The following VWF variants were observed in gnomAD, a reference collection of about 807,000 sequenced individuals.
VWF encodes the protein Factor VIII related antigen.
VWF carries 176 observed loss-of-function variants against 308.6 expected under a neutral mutation model. The ratio of observed to expected loss-of-function variants is 0.57; its 90% CI spans 0.50 to 0.65. The LOEUF (loss-of-function observed/expected upper bound fraction) is 0.65. VWF is among the 30% of genes least tolerant of loss of function. VWF has a pLI of 0.00. For synonymous variants in VWF, 1,385 were observed against 1,443.4 expected (o/e 0.96, Z 0.92); for missense variants, 3,146 against 3,648.2 (o/e 0.86, Z 3.55).
rs569569052 is a variant in VWF, at chr12:5,952,439, C to T, written c.8067G>A (p.Arg2689=). The change falls in exon 49 of 52, where the codon AGG becomes AGA. Residue 2689 remains arginine, a synonymous_variant. Coordinates refer to ENST00000261405, the MANE Select transcript of VWF (RefSeq NM_000552.5). The part of the protein sequence containing the change: ...NERGEYFWEK[R]VTGCPPFDEH... Reference sequence around the variant, plus strand: ...CATCAAAGGGTGGGCAGCCTGTGACCCTCTTCTCCCAGAAGTACTCTCCTC... The same window carrying T: ...CATCAAAGGGTGGGCAGCCTGTGACTCTCTTCTCCCAGAAGTACTCTCCTC... 1.2e-6 allele frequency: 2 copies of T among 1,614,104 alleles called. No individual in the cohort carries two copies. The highest frequency in any genetic ancestry group is 2.2e-5 in the East Asian group (1 of 44,872).
intron 2 of VWF, among the ~76,000 whole-genome samples, chr12:6,122,080 A>C (rs1945438456): frequency 6.6e-6 from 1 of 152,168 alleles, no homozygotes; most frequent in African/African-American, 2.4e-5. Context: ...GTTTTTTATA[A>C]ATTGGTGACC....
intron 32 of VWF, 75 bp from the exon 33 acceptor site, chr12:6,012,205 A>G (rs1944004158): frequency 2.6e-6 from 4 of 1,512,106 alleles, no homozygotes; most frequent in Non-Finnish European, 3.7e-6. Flanking sequence ...ATGTCTGCTT[A>G]AGCAACCTGG....
chr12:6,035,286 T>C (rs991190017), intron 19 of VWF, among the ~76,000 whole-genome samples: 1 of 152,214 alleles, frequency 6.6e-6, no homozygotes, highest in Non-Finnish European at 1.5e-5. Context: ...AAAAGAGTGA[T>C]GAAGTACGCA....
At chr12:6,114,525 C>T (rs1387616691) in intron 3 of VWF, among the ~76,000 whole-genome samples, 1 of 152,162 alleles carries the variant, frequency 6.6e-6, no homozygotes, top group African/African-American at 2.4e-5. Context: ...GAGCCCCAGC[C>T]CTCCTAGAGT....
chr12:5,994,373 T>C (rs770834309), intron 36 of VWF, 42 bp downstream of exon 36: 7 of 1,610,392 alleles, frequency 4.3e-6, no homozygotes, highest in Non-Finnish European at 5.1e-6. Flanking sequence ...GGTTTATAAA[T>C]GTATAGCAGG....
At chr12:5,960,026 A>C (rs1481746664) in intron 47 of VWF, among the ~76,000 whole-genome samples, 1 of 148,810 alleles carries the variant, frequency 6.7e-6, no homozygotes, top group Non-Finnish European at 1.5e-5. Flanking sequence ...CAACAAAGGC[A>C]AAAGTTGGAT....
In VWF at chr12:6,060,223, C is replaced by T. The variant is rs940588771; in HGVS notation, c.1534-2179G>A. Among the ~76,000 whole-genome samples the T allele has an allele frequency of 1.3e-5, 2 of 152,236 alleles. No individual in the cohort carries two copies. Among genetic ancestry groups the T allele is most frequent in the African/African-American group, 4.8e-5 (2 of 41,458 alleles). ...AGCCTGTGCAAGGATCTTTTCCACA[C>T]TGCTATGCCTAAGGCAGAGCTGGGC... On this transcript the variant is annotated intron_variant, in intron 13 of 51. Transcript: ENST00000261405. This position sits in a 1 kb window ranked among gnomAD's most constrained non-coding sequence, Gnocchi z 5.1.
intron 3 of VWF, among the ~76,000 whole-genome samples, chr12:6,115,317 G>A (rs888226260): frequency 1.3e-5 from 2 of 152,178 alleles, no homozygotes; most frequent in African/African-American, 4.8e-5. Flanking sequence ...GGGATTATAG[G>A]CATGAGTAAC....
In VWF at chr12:6,019,294, G is replaced by A; in HGVS notation, c.4124C>T (p.Pro1375Leu). The A allele has an allele frequency of 6.2e-7, 1 of 1,613,938 alleles. No homozygotes were observed. Among genetic ancestry groups the A allele is most frequent in the East Asian group, 2.2e-5 (1 of 44,864 alleles). The change falls in exon 28 of 52, where the codon CCT (proline) becomes CTT (leucine). Residue 1375 changes from proline to leucine, a missense_variant. Transcript: ENST00000261405. The surrounding 1 kb of genome is among the most constrained non-coding windows in gnomAD (Gnocchi z 5.8). ...GAGCAGGGTGATGCGGGAGGCTTCA[G>A]GGCGGTCGATCTTGCTGAAGATTTG... is the stretch of plus-strand genomic sequence containing the variant. ...LFQIFSKIDRPEASRITLLLM... is the reference protein window; with the variant it reads ...LFQIFSKIDRLEASRITLLLM...
At position 5,994,626 on chromosome 12, in the gene VWF, G is replaced by C. The variant is rs759885077; in HGVS notation, c.6064-19C>G. On this transcript the variant is annotated intron_variant, in intron 35 of 51. Coordinates refer to ENST00000261405, the MANE Select transcript of VWF (RefSeq NM_000552.5). ...CCGTCACCTGCACAAAGAAGAAAGA[G>C]CTCATCCGTAGTCCTAGCAATGAGG... 1 of 1,612,952 alleles carries C rather than the reference G, an allele frequency of 6.2e-7. No individual in the cohort carries two copies. Among genetic ancestry groups the C allele is most frequent in the Non-Finnish European group, 8.5e-7 (1 of 1,179,044 alleles).
chr12:6,041,822 T>G (rs903339709), intron 18 of VWF, among the ~76,000 whole-genome samples: 4 of 152,224 alleles, frequency 2.6e-5, no homozygotes, highest in Non-Finnish European at 4.4e-5. Flanking sequence ...GAATTCATTT[T>G]TATTGTATTT....
At chr12:6,051,266 T>C (rs1241504131) in intron 16 of VWF, among the ~76,000 whole-genome samples, 1 of 148,488 alleles carries the variant, frequency 6.7e-6, no homozygotes, top group East Asian at 2.0e-4. Context: ...AAATTTTCCA[T>C]AATCAGGACT....
chr12:6,036,631 G>C (rs2136432426), intron 18 of VWF, 140 bp from the exon 19 acceptor site: 2 of 801,938 alleles, frequency 2.5e-6, no homozygotes, highest in Non-Finnish European at 4.2e-6. Flanking sequence ...GACCAGGGCT[G>C]AGCCAGGGGG....
intron 10 of VWF, among the ~76,000 whole-genome samples, chr12:6,066,905 G>C (rs982687289): frequency 3.9e-5 from 6 of 152,262 alleles, no homozygotes; most frequent in African/African-American, 9.6e-5. Flanking sequence ...ATGAAGGCAG[G>C]ATTAAGGATG....
chr12:6,018,409 C>G lies in VWF; in HGVS notation c.5009G>C (p.Cys1670Ser), dbSNP rs749273878. The part of the protein sequence containing the change: ...EAPDLVLQRC[C>S]SGEGLQIPTL... Reference sequence around the variant, plus strand: ...GGGGATCTGCAGCCCCTCTCCGGAGCAGCACCTCTGCAGCACCAGGTCAGG... The same window carrying G: ...GGGGATCTGCAGCCCCTCTCCGGAGGAGCACCTCTGCAGCACCAGGTCAGG... Residue 1670 changes from cysteine to serine, a missense_variant, in exon 28 of 52, where the codon TGC becomes TCC. Transcript: ENST00000261405. The G allele has an allele frequency of 7.4e-6, 12 of 1,612,536 alleles. No homozygotes were observed. The highest frequency in any genetic ancestry group is 9.3e-6 in the Non-Finnish European group (11 of 1,179,504).
chr12:6,085,196 A>G (rs1179811394), intron 6 of VWF, among the ~76,000 whole-genome samples: 1 of 152,224 alleles, frequency 6.6e-6, no homozygotes, highest in Non-Finnish European at 1.5e-5. Context: ...CCTGGTTCCC[A>G]GTCTAGGGCC....
intron 42 of VWF, among the ~76,000 whole-genome samples, chr12:5,977,497 A>G (rs1274450300): frequency 1.3e-5 from 2 of 152,248 alleles, no homozygotes; most frequent in Non-Finnish European, 2.9e-5. Context: ...AATTCATAAT[A>G]TGCTTCCTTT....
rs562407984 is a variant in VWF at position 6,114,462 on chromosome 12, A to G, written c.221-3494T>C. On this transcript the variant is annotated intron_variant, in intron 3 of 51. Transcript: ENST00000261405. Reference sequence around the variant, plus strand: ...GCTGAATAAACCAAGAATTCAGCAGAAGCAGAAAAATCAAACAGGAGAGAA... The same window carrying G: ...GCTGAATAAACCAAGAATTCAGCAGGAGCAGAAAAATCAAACAGGAGAGAA... Among the ~76,000 whole-genome samples the G allele has an allele frequency of 2.6e-5, 4 of 152,344 alleles. No homozygotes were observed. In the East Asian group the frequency reaches 7.7e-4, roughly 29 times the overall value.
At position 6,087,376 on chromosome 12, in the gene VWF, T is replaced by TTTG. The variant is rs1565384403; in HGVS notation, c.657+8083_657+8084insCAA. 1.2e-4 allele frequency among the ~76,000 whole-genome samples: 15 copies of TTTG among 129,220 alleles called. 6 individuals carry two copies. The highest frequency in any genetic ancestry group is 2.1e-4 in the Non-Finnish European group (12 of 57,006). The allele number at this position is 129,220 out of a possible 152,430, so 84.8% of individuals were successfully genotyped here. On this transcript the variant is annotated intron_variant, in intron 6 of 51. Coordinates refer to ENST00000261405, the MANE Select transcript of VWF (RefSeq NM_000552.5). ...ACTCTTTTTTTTTTTTTTTTTTTTT[T>TTTG]GAGACAGAGTCTCACCCTGTCGCCC...
Sources: gnomAD v4.1 joint callset for allele counts (sites outside exome capture counted in the v4.1 genomes callset) on GRCh38, gnomAD v4.1.1 for gene constraint, Gnocchi (gnomAD v3.1) non-coding constraint, MANE v1.5 for transcripts, NCBI Gene and HGNC (gene_info 2026-07-23, HGNC 2026-07-21) for gene names.